Variants in NOL8 observed in about 807,000 individuals in gnomAD.
NOL8 encodes nucleolar protein Nop132.
NOL8 carries 93 observed loss-of-function variants against 116.1 expected under a neutral mutation model. The observed-to-expected ratio is 0.80, with a 90% CI of 0.68 to 0.95. The LOEUF is 0.95. NOL8 is among the 40% of genes least tolerant of loss of function. NOL8 has a pLI of 0.00. For synonymous variants in NOL8, 419 were observed against 469.0 expected (o/e 0.89, Z 1.38); for missense variants, 1,291 against 1,382.8 (o/e 0.93, Z 1.05).
Position 92,297,801 on chromosome 9 carries a change from TGTTCACATTCA to T in NOL8, c.*24_*34del, listed in dbSNP as rs1837363256. ...TGGGTCAGTTTCCTTAGGTGAGCCT[TGTTCACATTCA>T]GTATCAAAACCAGCTGACATTTATT... On this transcript the variant is annotated 3_prime_UTR_variant, in exon 17 of 17. Transcript: ENST00000442668. 1.3e-6 allele frequency: 2 copies of T among 1,507,314 alleles called. No homozygotes were observed. The highest frequency in any genetic ancestry group is 9.0e-7 in the Non-Finnish European group (1 of 1,112,046). The allele number at this position is 1,507,314 out of a possible 1,614,324, so 93.4% of individuals were successfully genotyped here. A position where few individuals can be genotyped will look rare whatever the true frequency, so the allele number is the denominator to read the frequency against.
intron 7 of NOL8, among the ~76,000 whole-genome samples, chr9:92,313,860 A>G (rs998676668): frequency 1.1e-4 from 16 of 152,178 alleles, no homozygotes; most frequent in South Asian, 4.1e-4. Context: ...AGCATGCCAC[A>G]CCATGAGCCA....
chr9:92,298,271 T>C lies in NOL8; in HGVS notation c.3439A>G (p.Thr1147Ala). 1.9e-6 allele frequency: 3 copies of C among 1,607,582 alleles called. No individual in the cohort carries two copies. The highest frequency in any genetic ancestry group is 1.1e-5 in the South Asian group (1 of 89,356). Reference sequence around the variant, plus strand: ...CAATTACTCACCATACGCAGGTTGGTTGTTCTGGCCTCCCAAGAGTTCCTG... The same window carrying C: ...CAATTACTCACCATACGCAGGTTGGCTGTTCTGGCCTCCCAAGAGTTCCTG... ...MSRNSWEART[T>A]NLRMDCRKKH... Residue 1147 changes from threonine (T) to alanine (A), a missense_variant, in exon 16 of 17, where the codon ACC becomes GCC. Physicochemically the swap from Thr to Ala is moderately conservative, Grantham distance 58 (BLOSUM62 0). Transcript: ENST00000442668.
intron 13 of NOL8, chr9:92,300,260 A>C (rs1837623493): frequency 9.5e-7 from 1 of 1,055,250 alleles, no homozygotes; most frequent in African/African-American, 1.7e-5. Context: ...GCAGTAATAT[A>C]AAAAAGGTTT....
chr9:92,318,864 A>G (rs1448126675), intron 5 of NOL8, 178 bp from the exon 6 acceptor site: 2 of 561,680 alleles, frequency 3.6e-6, no homozygotes, highest in Non-Finnish European at 6.1e-6. Context: ...AGAAAAAAAA[A>G]GGAAGATTTG....
intron 7 of NOL8, among the ~76,000 whole-genome samples, chr9:92,312,549 G>C (rs893852034): frequency 4.0e-5 from 6 of 150,126 alleles, no homozygotes; most frequent in Non-Finnish European, 8.9e-5. Context: ...CTATTGGGCC[G>C]GGCACAGTAG....
chr9:92,305,725 T>C (rs1838180775), intron 12 of NOL8, 28 bp downstream of exon 12: 2 of 1,425,666 alleles, frequency 1.4e-6, no homozygotes, highest in Non-Finnish European at 2.0e-6. Flanking sequence ...TACATGATCC[T>C]ATTGCTAAAA....
rs1564236432 is a variant in NOL8 at position 92,316,242 on chromosome 9, C to T, written c.487-104G>A. The T allele has an allele frequency of 4.0e-6, 5 of 1,244,872 alleles. No homozygotes were observed. The South Asian group carries it at 6.5e-5, about 16-fold the overall frequency. The allele number at this position is 1,244,872 out of a possible 1,614,324, so 77.1% of individuals were successfully genotyped here. On this transcript the variant is annotated intron_variant, in intron 6 of 16. Coordinates refer to ENST00000442668, the MANE Select transcript of NOL8 (RefSeq NM_017948.6). ...TAATCTCAAATAAGTCATTTCCCCC[C>T]CCTTTCAGTTTCCTGTAAAAGAAAA...
chr9:92,301,429 CT>C, intron 13 of NOL8, 121 bp downstream of exon 13: 1 of 748,966 alleles, frequency 1.3e-6, no homozygotes, highest in Non-Finnish European at 2.0e-6. Flanking sequence ...AATCTCAAAT[CT>C]TCTAGGTAGA....
In NOL8 at chr9:92,297,815, A is replaced by G; in HGVS notation, c.*21T>C. 1 of 1,542,564 alleles carries G rather than the reference A, an allele frequency of 6.5e-7. No homozygotes were observed. Among genetic ancestry groups the G allele is most frequent in the Non-Finnish European group, 8.8e-7 (1 of 1,140,494 alleles). Reference sequence around the variant, plus strand: ...TAGGTGAGCCTTGTTCACATTCAGTATCAAAACCAGCTGACATTTATTATT... The same window carrying G: ...TAGGTGAGCCTTGTTCACATTCAGTGTCAAAACCAGCTGACATTTATTATT... On this transcript the variant is annotated 3_prime_UTR_variant, in exon 17 of 17. Transcript: ENST00000442668.
chr9:92,313,657 T>G (rs1356067356), intron 7 of NOL8, among the ~76,000 whole-genome samples: 3 of 152,234 alleles, frequency 2.0e-5, no homozygotes, highest in Non-Finnish European at 4.4e-5. Flanking sequence ...AAACGGTTCC[T>G]TTTTCCTAGA....
At chr9:92,316,170 C>T (rs777918824) in intron 6 of NOL8, 32 bp from the exon 7 acceptor site, 5 of 1,575,354 alleles carry the variant, frequency 3.2e-6, no homozygotes, top group Non-Finnish European at 4.3e-6. Flanking sequence ...AACTAAAGCA[C>T]TTGGTTTTAG....
rs1453968000 is a variant in NOL8 at position 92,301,647 on chromosome 9, C to A, written c.3079G>T (p.Glu1027Ter). ...GTCAGAGCTGCAGGGTCCTGGATTT[C>A]CTCAGGTTTCTCTTTACCACAGTCC... Reference protein sequence around the residue: ...NEDCGKEKPEEIQDPAALTSD... With the variant: ...NEDCGKEKPE Residue 1027 changes from glutamate to a stop codon, truncating the protein, a stop_gained, in exon 13 of 17, where the codon GAA becomes TAA. Transcript: ENST00000442668. LOFTEE classifies it high-confidence loss of function. 2 of 1,601,588 alleles carry A rather than the reference C, an allele frequency of 1.2e-6. No individual in the cohort carries two copies. Among genetic ancestry groups the A allele is most frequent in the Non-Finnish European group, 1.7e-6 (2 of 1,176,752 alleles).
At chr9:92,312,876 A>G (rs1308622361) in intron 7 of NOL8, among the ~76,000 whole-genome samples, 1 of 151,452 alleles carries the variant, frequency 6.6e-6, no homozygotes. Context: ...ATTGGGTACT[A>G]TGCTGATTAT....
intron 4 of NOL8, chr9:92,319,885 T>C: frequency 2.7e-6 from 1 of 366,052 alleles, no homozygotes; most frequent in South Asian, 2.1e-5. Context: ...GGTTCTTTTC[T>C]TAGCCCATCC....
chr9:92,316,183 A>T, intron 6 of NOL8, 45 bp from the exon 7 acceptor site: 1 of 1,553,524 alleles, frequency 6.4e-7, no homozygotes, highest in Non-Finnish European at 8.7e-7. Context: ...GGTTTTAGGA[A>T]AACTCATCAA....
chr9:92,313,224 G>A (rs1839013544), intron 7 of NOL8, among the ~76,000 whole-genome samples: 1 of 152,052 alleles, frequency 6.6e-6, no homozygotes, highest in African/African-American at 2.4e-5. Context: ...TATTCCCATT[G>A]CTGTTGTTAC....
intron 4 of NOL8, chr9:92,320,268 T>C (rs918252445): frequency 2.2e-6 from 1 of 445,914 alleles, no homozygotes; most frequent in African/African-American, 2.0e-5. Context: ...AGAATAACCA[T>C]CAGACCCATG....
At chr9:92,299,245 T>TAA (rs985837156) in intron 14 of NOL8, among the ~76,000 whole-genome samples, 3 of 152,166 alleles carry the variant, frequency 2.0e-5, no homozygotes, top group Non-Finnish European at 4.4e-5. Context: ...TGGTTGCTGA[T>TAA]ACTCTCACTC....
chr9:92,299,286 C>T (rs1837514373), intron 14 of NOL8, among the ~76,000 whole-genome samples: 1 of 152,180 alleles, frequency 6.6e-6, no homozygotes, highest in Non-Finnish European at 1.5e-5. Flanking sequence ...GCCAGTGCCT[C>T]CCATGGGTAG....
Sources: gnomAD v4.1 joint callset for allele counts (sites outside exome capture counted in the v4.1 genomes callset) on GRCh38, gnomAD v4.1.1 for gene constraint, MANE v1.5 for transcripts, NCBI Gene and HGNC (gene_info 2026-07-23, HGNC 2026-07-21) for gene names.